Variants in INPPL1 observed in about 807,000 individuals in gnomAD.
INPPL1 encodes phosphatidylinositol 3,4,5-trisphosphate 5-phosphatase 2.
A neutral mutation model predicts 139.3 loss-of-function variants in INPPL1; 91 were observed. That is an observed-to-expected ratio of 0.65 (90% CI 0.55 to 0.78). The LOEUF (loss-of-function observed/expected upper bound fraction) is 0.78, where lower values mean the gene tolerates loss of function less well. INPPL1 is among the 30% of genes least tolerant of loss of function. The pLI, the probability that INPPL1 is intolerant of heterozygous loss-of-function variation, is 0.00. For synonymous variants in INPPL1, 719 were observed against 686.6 expected (o/e 1.05, Z -0.74); for missense variants, 1,411 against 1,665.6 (o/e 0.85, Z 2.66).
Position 72,229,942 on chromosome 11 carries a change from G to A in INPPL1, c.862G>A (p.Asp288Asn). 2 of 1,614,152 alleles carry A rather than the reference G, an allele frequency of 1.2e-6. No homozygotes were observed. Among genetic ancestry groups the A allele is most frequent in the South Asian group, 1.1e-5 (1 of 91,086 alleles). Residue 288 changes from aspartate to asparagine, a missense_variant, in exon 8 of 28, where the codon GAC becomes AAC. Transcript: ENST00000298229. ...CCTCCAGGCCCTGAAGGCCCTACAG[G>A]ACATGAGCTCCACAGCACCCCCAGC... ...IQKKALKALQDMSSTAPPAPQ... is the reference protein window; with the variant it reads ...IQKKALKALQNMSSTAPPAPQ...
Position 72,229,183 on chromosome 11 carries a change from GC to G in INPPL1, c.616del (p.His206ThrfsTer39). 1 of 1,613,696 alleles carries G rather than the reference GC, an allele frequency of 6.2e-7. No homozygotes were observed. Among genetic ancestry groups the G allele is most frequent in the Non-Finnish European group, 8.5e-7 (1 of 1,179,854 alleles). ...EAVRGGASHL[P>X]HLTRTLATSC... ...CTGTGAGGGGTGGAGCCAGCCACCT[GC>G]CCCACCTCACCCGTACCCTCGCTAC... On this transcript the variant is annotated frameshift_variant, in exon 5 of 28. Coordinates refer to ENST00000298229, the MANE Select transcript of INPPL1 (RefSeq NM_001567.4). LOFTEE classifies it high-confidence loss of function.
chr11:72,232,522 A>G (rs1194681211), intron 14 of INPPL1, 104 bp from the exon 15 acceptor site: 1 of 1,435,564 alleles, frequency 7.0e-7, no homozygotes, highest in Non-Finnish European at 9.6e-7. Context: ...CCGGATCTTT[A>G]CCCCATCCCT....
rs772728657 is a variant in INPPL1 at position 72,228,867 on chromosome 11, C to A, written c.518+20C>A. On this transcript the variant is annotated intron_variant, in intron 4 of 27. Coordinates refer to ENST00000298229, the MANE Select transcript of INPPL1 (RefSeq NM_001567.4). The surrounding 1 kb of genome is among the most constrained non-coding windows in gnomAD (Gnocchi z 5.0). The stretch of plus-strand genomic sequence containing the variant: ...TGAGAGGTGAGACCCCCATCCCATC[C>A]ACTGAACAGGAGACCCTTTCTCCTC... 6.4e-7 allele frequency: 1 copy of A among 1,568,430 alleles called. No homozygotes were observed. The highest frequency in any genetic ancestry group is 8.6e-7 in the Non-Finnish European group (1 of 1,160,398).
At chr11:72,233,615 A>G (rs1352461022) in intron 18 of INPPL1, 40 bp from the exon 19 acceptor site, 5 of 1,607,796 alleles carry the variant, frequency 3.1e-6, no homozygotes, top group Admixed American at 1.7e-5. Flanking sequence ...GAGGGTGGGA[A>G]TATTCCCCCT....
At position 72,225,170 on chromosome 11, in the gene INPPL1, A is replaced by C; in HGVS notation, c.182+4A>C. 1 of 1,227,770 alleles carries C rather than the reference A, an allele frequency of 8.1e-7. No individual in the cohort carries two copies. The highest frequency in any genetic ancestry group is 4.1e-5 in the South Asian group (1 of 24,380). 76.1% of individuals were successfully genotyped at this position (1,227,770 alleles called of 1,614,324 possible). A position where few individuals can be genotyped will look rare whatever the true frequency, so the allele number is the denominator to read the frequency against. On this transcript the variant is annotated splice_donor_region_variant and intron_variant, in intron 1 of 27. Transcript: ENST00000298229. ...GGGCCTTCGCGCTCTGCGTCCTGTG[A>C]GTGGGGCGGGGGCTCCTTGCGGGCT... is the stretch of plus-strand genomic sequence containing the variant.
Position 72,229,936 on chromosome 11 carries a change from C to T in INPPL1, c.856C>T (p.Leu286=). 6.2e-7 allele frequency: 1 copy of T among 1,614,168 alleles called. No individual in the cohort carries two copies. Among genetic ancestry groups the T allele is most frequent in the Non-Finnish European group, 8.5e-7 (1 of 1,180,040 alleles). The change falls in exon 8 of 28, where the codon CTA becomes TTA. Residue 286 remains leucine, a synonymous_variant. Coordinates refer to ENST00000298229, the MANE Select transcript of INPPL1 (RefSeq NM_001567.4). ...TTGTTCCCTCCAGGCCCTGAAGGCC[C>T]TACAGGACATGAGCTCCACAGCACC... ...SGIQKKALKA[L]QDMSSTAPPA...
chr11:72,234,485 G>C lies in INPPL1; in HGVS notation c.2327-42G>C, dbSNP rs1293020442. On this transcript the variant is annotated intron_variant, in intron 20 of 27. Coordinates refer to ENST00000298229, the MANE Select transcript of INPPL1 (RefSeq NM_001567.4). The surrounding 1 kb of genome is among the most constrained non-coding windows in gnomAD (Gnocchi z 4.2). ...CCCCTACTTAGGGGGAAAGGAAGCT[G>C]AGAGGTGGTGCTCAGTTGGGTGTCT... The C allele has an allele frequency of 3.1e-6, 5 of 1,592,438 alleles. No individual in the cohort carries two copies. In the African/African-American group the frequency reaches 5.4e-5, roughly 17 times the overall value.
Position 72,234,732 on chromosome 11 carries a change from A to AAT in INPPL1, c.2415+117_2415+118insAT. 1 of 527,282 alleles carries AAT rather than the reference A, an allele frequency of 1.9e-6. No homozygotes were observed. The highest frequency in any genetic ancestry group is 3.4e-6 in the Non-Finnish European group (1 of 298,242). The allele number at this position is 527,282 out of a possible 1,614,324, so 32.7% of individuals were successfully genotyped here. ...GGGGCCAGCAGAGAGAGAGAGAGAG[A>AAT]GTGTGTGTGTGTGTGTGTGTGTGTG... On this transcript the variant is annotated intron_variant, in intron 21 of 27. Coordinates refer to ENST00000298229, the MANE Select transcript of INPPL1 (RefSeq NM_001567.4). The surrounding 1 kb of genome is among the most constrained non-coding windows in gnomAD (Gnocchi z 4.2).
intron 15 of INPPL1, 21 bp from the exon 16 acceptor site, chr11:72,232,854 C>A: frequency 6.2e-7 from 1 of 1,613,704 alleles, no homozygotes; most frequent in South Asian, 1.1e-5. Flanking sequence ...ATGTTTCTAG[C>A]CTTTGTGTCC....
Position 72,228,110 on chromosome 11 carries a change from T to C in INPPL1, c.183-80T>C. The C allele has an allele frequency of 6.7e-7, 1 of 1,498,796 alleles. No individual in the cohort carries two copies. The highest frequency in any genetic ancestry group is 9.3e-7 in the Non-Finnish European group (1 of 1,076,312). The allele number at this position is 1,498,796 out of a possible 1,614,324, so 92.8% of individuals were successfully genotyped here. The stretch of plus-strand genomic sequence containing the variant: ...AGCTGAGGGGGTTGGGGTGCTGAGC[T>C]TGCTGGCAGGAGGAAGGGGTGCTTT... On this transcript the variant is annotated intron_variant, in intron 1 of 27. Transcript: ENST00000298229. The surrounding 1 kb of genome is among the most constrained non-coding windows in gnomAD (Gnocchi z 5.0).
intron 1 of INPPL1, 66 bp downstream of exon 1, chr11:72,225,232 A>G (rs1160936644): frequency 1.6e-6 from 2 of 1,225,124 alleles, no homozygotes; most frequent in Non-Finnish European, 2.0e-6. Context: ...CCGGGTGTGG[A>G]AAGGGCCCGG....
At position 72,229,720 on chromosome 11, in the gene INPPL1, C is replaced by T; in HGVS notation, c.811C>T (p.Leu271=). Residue 271 remains leucine (L), a synonymous_variant, in exon 7 of 28, where the codon CTA becomes TTA. Coordinates refer to ENST00000298229, the MANE Select transcript of INPPL1 (RefSeq NM_001567.4). ...GAGCCTGGTGCTGAAGCTGTCAGTGCTAAAGGACTTCCTGTCAGGCATCCA... is the reference window on the plus strand; with the variant it reads ...GAGCCTGGTGCTGAAGCTGTCAGTGTTAAAGGACTTCCTGTCAGGCATCCA... The part of the protein sequence containing the change: ...LESLVLKLSV[L]KDFLSGIQKK... 6.2e-7 allele frequency: 1 copy of T among 1,614,014 alleles called. No individual in the cohort carries two copies. Among genetic ancestry groups the T allele is most frequent in the Non-Finnish European group, 8.5e-7 (1 of 1,179,994 alleles).
chr11:72,228,117 C>G lies in INPPL1; in HGVS notation c.183-73C>G. On this transcript the variant is annotated intron_variant, in intron 1 of 27. Transcript: ENST00000298229. The surrounding 1 kb of genome is among the most constrained non-coding windows in gnomAD (Gnocchi z 5.0). ...GGGGTTGGGGTGCTGAGCTTGCTGG[C>G]AGGAGGAAGGGGTGCTTTGGGTCTT... 2 of 1,534,016 alleles carry G rather than the reference C, an allele frequency of 1.3e-6. No homozygotes were observed. Among genetic ancestry groups the G allele is most frequent in the Non-Finnish European group, 1.8e-6 (2 of 1,108,020 alleles).
At chr11:72,238,216 C>T in intron 27 of INPPL1, 41 bp downstream of exon 27, 1 of 1,613,318 alleles carries the variant, frequency 6.2e-7, no homozygotes, top group East Asian at 2.2e-5. Context: ...CTGGGGCCCT[C>T]AGGATCCCCT....
Position 72,228,064 on chromosome 11 carries a change from C to T in INPPL1, c.183-126C>T. On this transcript the variant is annotated intron_variant, in intron 1 of 27. Coordinates refer to ENST00000298229, the MANE Select transcript of INPPL1 (RefSeq NM_001567.4). The surrounding 1 kb of genome is among the most constrained non-coding windows in gnomAD (Gnocchi z 5.0). The stretch of plus-strand genomic sequence containing the variant: ...CATCATTAACCCTGTGCAGCCTGGG[C>T]AGGTGGTTTTAGGGAAACCAAGCTG... 1 of 866,072 alleles carries T rather than the reference C, an allele frequency of 1.2e-6. No homozygotes were observed. Among genetic ancestry groups the T allele is most frequent in the Non-Finnish European group, 1.9e-6 (1 of 520,538 alleles). The allele number at this position is 866,072 out of a possible 1,614,324, so 53.6% of individuals were successfully genotyped here. A position where few individuals can be genotyped will look rare whatever the true frequency, so the allele number is the denominator to read the frequency against.
In INPPL1 at chr11:72,233,168, G is replaced by T; in HGVS notation, c.2040+5G>T. 1 of 1,613,102 alleles carries T rather than the reference G, an allele frequency of 6.2e-7. No individual in the cohort carries two copies. The highest frequency in any genetic ancestry group is 8.5e-7 in the Non-Finnish European group (1 of 1,179,520). Reference sequence around the variant, plus strand: ...CACAAGCAGAAGCCAACTGGGGTGAGCCAAGAAAACGGCATGGGCCTTGGG... The same window carrying T: ...CACAAGCAGAAGCCAACTGGGGTGATCCAAGAAAACGGCATGGGCCTTGGG... On this transcript the variant is annotated splice_donor_5th_base_variant and intron_variant, in intron 17 of 27. Coordinates refer to ENST00000298229, the MANE Select transcript of INPPL1 (RefSeq NM_001567.4).
chr11:72,237,941 C>G, intron 26 of INPPL1, 101 bp from the exon 27 acceptor site: 3 of 1,453,382 alleles, frequency 2.1e-6, no homozygotes, highest in Non-Finnish European at 2.7e-6. Flanking sequence ...TGTATCAGCC[C>G]AGCCCTTCCC....
chr11:72,237,891 C>T (rs1949040681), intron 26 of INPPL1, 95 bp downstream of exon 26: 2 of 1,472,936 alleles, frequency 1.4e-6, no homozygotes, highest in South Asian at 1.3e-5. Context: ...CATGGTGTCC[C>T]TGCTACCCTG....
At chr11:72,232,430 A>G in intron 14 of INPPL1, 94 bp downstream of exon 14, 1 of 1,278,912 alleles carries the variant, frequency 7.8e-7, no homozygotes, top group South Asian at 1.3e-5. Context: ...ACCCTCCCGC[A>G]GGCCTGTCTC....
Sources: allele counts gnomAD v4.1 joint callset, GRCh38; gene constraint gnomAD v4.1.1; non-coding constraint Gnocchi (gnomAD v3.1); transcripts MANE v1.5; gene names NCBI Gene and HGNC (gene_info 2026-07-23, HGNC 2026-07-21).